The following GPR82 variants were observed in gnomAD, a reference collection of about 807,000 sequenced individuals.
GPR82 encodes the protein probable G protein-coupled receptor 82.
GPR82 carries 6 observed loss-of-function variants against 12.9 expected under a neutral mutation model. That is an observed-to-expected ratio of 0.46 (90% CI 0.25 to 0.92). The LOEUF (loss-of-function observed/expected upper bound fraction) is 0.92. Ranked by LOEUF, GPR82 falls within the 40% of genes least tolerant of loss-of-function variation. The pLI is 0.16. For synonymous variants in GPR82, 90 were observed against 87.6 expected (o/e 1.03, Z -0.15); for missense variants, 241 against 245.5 (o/e 0.98, Z 0.12).
rs1459993297 is a variant in GPR82, at chrX:41,727,008, T to G, written c.-19T>G. Reference sequence around the variant, plus strand: ...TCTATTCTAGCTCCTGTGACAAAATTCAAGAAAACCTGACATAAATGAACA... The same window carrying G: ...TCTATTCTAGCTCCTGTGACAAAATGCAAGAAAACCTGACATAAATGAACA... On this transcript the variant is annotated 5_prime_UTR_variant, in exon 3 of 3. In the 5' UTR this introduces an upstream ATG that the reference lacks. Coordinates refer to ENST00000302548, the MANE Select transcript of GPR82 (RefSeq NM_080817.5). 9.7e-7 allele frequency: 1 copy of G among 1,029,035 alleles called. No homozygotes were observed. The highest frequency in any genetic ancestry group is 1.3e-6 in the Non-Finnish European group (1 of 774,119). 84.8% of individuals were successfully genotyped at this position (1,029,035 alleles called of 1,213,427 possible).
At position 41,729,166 on chromosome X, in the gene GPR82, T is replaced by C. The variant is rs150788496; in HGVS notation, c.*1129T>C. On this transcript the variant is annotated 3_prime_UTR_variant, in exon 3 of 3. Transcript: ENST00000302548. Reference sequence around the variant, plus strand: ...AGATTGATCTCTGAAGTTATACTTCTTGGGTTCAATCTGGCTCTACTTTTT... The same window carrying C: ...AGATTGATCTCTGAAGTTATACTTCCTGGGTTCAATCTGGCTCTACTTTTT... 1.6e-5 allele frequency: 2 copies of C among 123,551 alleles called. No individual in the cohort carries two copies. The highest frequency in any genetic ancestry group is 6.5e-5 in the African/African-American group (2 of 30,878). The allele number at this position is 123,551 out of a possible 1,213,427, so 10.2% of individuals were successfully genotyped here. A position where few individuals can be genotyped will look rare whatever the true frequency, so the allele number is the denominator to read the frequency against.
chrX:41,726,989 C>T lies in GPR82; in HGVS notation c.-34-4C>T. 1 of 832,188 alleles carries T rather than the reference C, an allele frequency of 1.2e-6. No individual in the cohort carries two copies. Among genetic ancestry groups the T allele is most frequent in the Non-Finnish European group, 1.7e-6 (1 of 593,437 alleles). 68.6% of individuals were successfully genotyped at this position (832,188 alleles called of 1,213,427 possible). On this transcript the variant is annotated splice_region_variant and splice_polypyrimidine_tract_variant and intron_variant, in intron 2 of 2. Coordinates refer to ENST00000302548, the MANE Select transcript of GPR82 (RefSeq NM_080817.5). ...AATATTAAATATCTGCAATTCTATT[C>T]TAGCTCCTGTGACAAAATTCAAGAA...
intron 1 of GPR82, among the ~76,000 whole-genome samples, chrX:41,725,600 T>C (rs1054696734): frequency 8.9e-6 from 1 of 111,766 alleles, no homozygotes; most frequent in African/African-American, 3.2e-5. Flanking sequence ...CCAGTAACTT[T>C]TGTTATTCTC....
In GPR82 at chrX:41,727,903, A is replaced by T; in HGVS notation, c.877A>T (p.Ile293Phe). 1 of 1,204,379 alleles carries T rather than the reference A, an allele frequency of 8.3e-7. No homozygotes were observed. Among genetic ancestry groups the T allele is most frequent in the East Asian group, 3.0e-5 (1 of 33,843 alleles). Residue 293 changes from isoleucine to phenylalanine, a missense_variant, in exon 3 of 3, where the codon ATT becomes TTT. Coordinates refer to ENST00000302548, the MANE Select transcript of GPR82 (RefSeq NM_080817.5). The stretch of plus-strand genomic sequence containing the variant: ...GAATTATTTAATAGAAACAAAAAAC[A>T]TTCTCACCTGTCTTGCTTCGGCCAG... ...QLNYLIETKN[I>F]LTCLASARSS...
chrX:41,727,301 A>T lies in GPR82; in HGVS notation c.275A>T (p.Asn92Ile). 8.3e-7 allele frequency: 1 copy of T among 1,209,267 alleles called. No homozygotes were observed. Among genetic ancestry groups the T allele is most frequent in the African/African-American group, 1.7e-5 (1 of 57,671 alleles). The change falls in exon 3 of 3, where the codon AAT becomes ATT. Residue 92 changes from asparagine (N) to isoleucine (I), a missense_variant. Transcript: ENST00000302548. ...EYQSAQCRVV[N>I]FLGTLSMHAS... is the part of the protein sequence containing the mutation. ...CAATCTGCTCAATGCAGAGTGGTCA[A>T]TTTTCTGGGAACTCTATCCATGCAT...
Position 41,727,418 on chromosome X carries a change from C to A in GPR82, c.392C>A (p.Thr131Asn). 1 of 1,211,136 alleles carries A rather than the reference C, an allele frequency of 8.3e-7. No individual in the cohort carries two copies. Among genetic ancestry groups the A allele is most frequent in the Non-Finnish European group, 1.1e-6 (1 of 894,756 alleles). The change falls in exon 3 of 3, where the codon ACT (threonine) becomes AAT (asparagine). Residue 131 changes from threonine (T) to asparagine (N), a missense_variant. Transcript: ENST00000302548. Reference protein sequence around the residue: ...LMQKDSSQETTSCYEKIFYGH... With the variant: ...LMQKDSSQETNSCYEKIFYGH... ...CAAAAGGATTCCTCGCAAGAGACTA[C>A]TTCATGCTATGAGAAAATATTTTAT...
chrX:41,727,500 C>T lies in GPR82; in HGVS notation c.474C>T (p.Tyr158=), dbSNP rs765799895. 3 of 1,207,582 alleles carry T rather than the reference C, an allele frequency of 2.5e-6. No homozygotes were observed. In the East Asian group the frequency reaches 8.9e-5, roughly 36 times the overall value. ...ACTTTGCTAGAAAACTATGCATTTA[C>T]ATATGGGGAGTTGTACTGGGCATAA... is the stretch of plus-strand genomic sequence containing the variant. ...QPNFARKLCI[Y]IWGVVLGIII... is the part of the protein sequence containing the mutation. Residue 158 remains tyrosine, a synonymous_variant, in exon 3 of 3, where the codon TAC becomes TAT. Coordinates refer to ENST00000302548, the MANE Select transcript of GPR82 (RefSeq NM_080817.5).
At position 41,728,038 on chromosome X, in the gene GPR82, C is replaced by G. The variant is rs1158141970; in HGVS notation, c.*1C>G. 6 of 1,057,191 alleles carry G rather than the reference C, an allele frequency of 5.7e-6. No individual in the cohort carries two copies. The highest frequency in any genetic ancestry group is 6.3e-6 in the Non-Finnish European group (5 of 792,045). 87.1% of individuals were successfully genotyped at this position (1,057,191 alleles called of 1,213,427 possible). On this transcript the variant is annotated 3_prime_UTR_variant, in exon 3 of 3. Coordinates refer to ENST00000302548, the MANE Select transcript of GPR82 (RefSeq NM_080817.5). ...AGCACATATGCAATCATATGGTTGACTTTTGAATGGAAAACCCCACAATAT... is the reference window on the plus strand; with the variant it reads ...AGCACATATGCAATCATATGGTTGAGTTTTGAATGGAAAACCCCACAATAT...
Position 41,727,039 on chromosome X carries a change from A to C in GPR82, c.13A>C (p.Thr5Pro), listed in dbSNP as rs1602529152. The C allele has an allele frequency of 8.7e-7, 1 of 1,143,190 alleles. No homozygotes were observed. The highest frequency in any genetic ancestry group is 3.0e-5 in the East Asian group (1 of 33,078). The allele number at this position is 1,143,190 out of a possible 1,213,427, so 94.2% of individuals were successfully genotyped here. A position where few individuals can be genotyped will look rare whatever the true frequency, so the allele number is the denominator to read the frequency against. MNNN[T>P]TCIQPSMISS... ...AAACCTGACATAAATGAACAACAAT[A>C]CAACATGTATTCAACCATCTATGAT... Residue 5 changes from threonine to proline, a missense_variant, in exon 3 of 3, where the codon ACA (threonine) becomes CCA (proline). By Grantham distance (38) the Thr-to-Pro change is conservative (BLOSUM62 -1). Coordinates refer to ENST00000302548, the MANE Select transcript of GPR82 (RefSeq NM_080817.5).
chrX:41,724,990 C>T (rs752481946), intron 1 of GPR82, among the ~76,000 whole-genome samples: 30 of 111,884 alleles, frequency 2.7e-4, no homozygotes, highest in African/African-American at 9.4e-4. Flanking sequence ...ATTTCACTGT[C>T]TGACTGATTT....
At position 41,727,989 on chromosome X, in the gene GPR82, T is replaced by C. The variant is rs760167537; in HGVS notation, c.963T>C (p.Tyr321=). Residue 321 remains tyrosine (Y), a synonymous_variant, in exon 3 of 3, where the codon TAT becomes TAC. Coordinates refer to ENST00000302548, the MANE Select transcript of GPR82 (RefSeq NM_080817.5). ...ATAAAACATTCAAGAAGACACTATA[T>C]AATCTCTTTACAAAGTCTAATTCAG... The part of the protein sequence containing the change: ...LLDKTFKKTL[Y]NLFTKSNSAH... The C allele has an allele frequency of 4.4e-6, 5 of 1,147,931 alleles. No homozygotes were observed. Among genetic ancestry groups the C allele is most frequent in the South Asian group, 1.9e-5 (1 of 51,618 alleles). 94.6% of individuals were successfully genotyped at this position (1,147,931 alleles called of 1,213,427 possible).
intron 1 of GPR82, among the ~76,000 whole-genome samples, chrX:41,724,868 C>T (rs903410912): frequency 1.8e-5 from 2 of 112,113 alleles, no homozygotes; most frequent in Non-Finnish European, 3.8e-5. Context: ...ATTATCTGCA[C>T]AAGGTAGGAG....
chrX:41,727,665 C>G lies in GPR82; in HGVS notation c.639C>G (p.Ser213=). ...GLIGTTFIGF[S]FLVVLTSYYS... ...TTGGAACCACATTTATTGGATTTTC[C>G]TTTTTAGTAGTACTAACATCATACT... Residue 213 remains serine (S), a synonymous_variant, in exon 3 of 3, where the codon TCC becomes TCG. Coordinates refer to ENST00000302548, the MANE Select transcript of GPR82 (RefSeq NM_080817.5). The G allele has an allele frequency of 8.3e-7, 1 of 1,206,782 alleles. No homozygotes were observed.
Position 41,727,110 on chromosome X carries a change from T to A in GPR82, c.84T>A (p.Val28=), listed in dbSNP as rs757228319. 8.5e-7 allele frequency: 1 copy of A among 1,176,234 alleles called. No homozygotes were observed. The highest frequency in any genetic ancestry group is 1.2e-6 in the Non-Finnish European group (1 of 863,277). ...LPIIYILLCI[V]GVFGNTLSQW... ...TCATTTACATCCTCCTTTGTATTGTTGGTGTTTTTGGAAACACTCTCTCTC... is the reference window on the plus strand; with the variant it reads ...TCATTTACATCCTCCTTTGTATTGTAGGTGTTTTTGGAAACACTCTCTCTC... The change falls in exon 3 of 3, where the codon GTT becomes GTA. Residue 28 remains valine (V), a synonymous_variant. Coordinates refer to ENST00000302548, the MANE Select transcript of GPR82 (RefSeq NM_080817.5).
chrX:41,725,196 G>A (rs1220605646), intron 1 of GPR82, among the ~76,000 whole-genome samples: 2 of 111,636 alleles, frequency 1.8e-5, no homozygotes, highest in Non-Finnish European at 3.8e-5. Context: ...TAAGAATCTT[G>A]TTATTTAAAC....
intron 1 of GPR82, among the ~76,000 whole-genome samples, chrX:41,724,787 C>G (rs1397317757): frequency 9.0e-6 from 1 of 111,613 alleles, no homozygotes; most frequent in Non-Finnish European, 1.9e-5. Flanking sequence ...AAGTCTATGT[C>G]CCTTTTGTTT....
At position 41,728,001 on chromosome X, in the gene GPR82, A is replaced by C; in HGVS notation, c.975A>C (p.Thr325=). 8.7e-7 allele frequency: 1 copy of C among 1,146,769 alleles called. No homozygotes were observed. Among genetic ancestry groups the C allele is most frequent in the Non-Finnish European group, 1.2e-6 (1 of 849,151 alleles). 94.5% of individuals were successfully genotyped at this position (1,146,769 alleles called of 1,213,427 possible). ...TFKKTLYNLF[T]KSNSAHMQSY... is the part of the protein sequence containing the mutation. ...AGAAGACACTATATAATCTCTTTAC[A>C]AAGTCTAATTCAGCACATATGCAAT... The change falls in exon 3 of 3, where the codon ACA becomes ACC. Residue 325 remains threonine, a synonymous_variant. Coordinates refer to ENST00000302548, the MANE Select transcript of GPR82 (RefSeq NM_080817.5).
Position 41,727,331 on chromosome X carries a change from G to A in GPR82, c.305G>A (p.Ser102Asn). 8.3e-7 allele frequency: 1 copy of A among 1,207,143 alleles called. No individual in the cohort carries two copies. Among genetic ancestry groups the A allele is most frequent in the Non-Finnish European group, 1.1e-6 (1 of 891,207 alleles). The change falls in exon 3 of 3, where the codon AGT becomes AAT. Residue 102 changes from serine (S) to asparagine (N), a missense_variant. Ser to Asn is a conservative substitution (Grantham distance 46). Coordinates refer to ENST00000302548, the MANE Select transcript of GPR82 (RefSeq NM_080817.5). ...CTGGGAACTCTATCCATGCATGCAA[G>A]TATGTTTGTCAGTCTCTTAATTTTA... Reference protein sequence around the residue: ...NFLGTLSMHASMFVSLLILSW... With the variant: ...NFLGTLSMHANMFVSLLILSW...
Position 41,727,625 on chromosome X carries a change from A to G in GPR82, c.599A>G (p.Gln200Arg). Residue 200 changes from glutamine (Q) to arginine (R), a missense_variant, in exon 3 of 3, where the codon CAG becomes CGG. Gln to Arg is a conservative substitution (Grantham distance 43). Transcript: ENST00000302548. ...ATGGAACTAGGAGCCATGATCTCTC[A>G]GATTGCAGGTCTCATTGGAACCACA... ...RQMELGAMIS[Q>R]IAGLIGTTFI... 1 of 1,209,385 alleles carries G rather than the reference A, an allele frequency of 8.3e-7. No individual in the cohort carries two copies. The highest frequency in any genetic ancestry group is 1.1e-6 in the Non-Finnish European group (1 of 893,258).
Sources: gnomAD v4.1 joint callset for allele counts (sites outside exome capture counted in the v4.1 genomes callset) on GRCh38, gnomAD v4.1.1 for gene constraint, MANE v1.5 for transcripts, NCBI Gene and HGNC (gene_info 2026-07-23, HGNC 2026-07-21) for gene names.